Variants in PDE1C observed in about 807,000 individuals in gnomAD.
The protein encoded by PDE1C is dual specificity calcium/calmodulin-dependent 3',5'-cyclic nucleotide phosphodiesterase 1C.
A neutral mutation model predicts 93.1 loss-of-function variants in PDE1C; 62 were observed. The observed-to-expected ratio is 0.67, with a 90% CI of 0.54 to 0.82. PDE1C has a LOEUF of 0.82. Among genes scored for constraint, PDE1C ranks in the 40% least tolerant of loss-of-function variants. The pLI, the probability that PDE1C is intolerant of heterozygous loss-of-function variation, is 0.00. For synonymous variants in PDE1C, 325 were observed against 310.1 expected (o/e 1.05, Z -0.50); for missense variants, 742 against 884.6 (o/e 0.84, Z 2.04).
intron 7 of PDE1C, among the ~76,000 whole-genome samples, chr7:31,864,236 G>A (rs1230674485): frequency 6.6e-6 from 1 of 152,168 alleles, no homozygotes; most frequent in Admixed American, 6.6e-5. Context: ...CACGCCCATA[G>A]TCCCAGCTAC....
chr7:32,108,616 A>C (rs1433584426), intron 3 of PDE1C, among the ~76,000 whole-genome samples: 2 of 152,312 alleles, frequency 1.3e-5, no homozygotes, highest in East Asian at 3.9e-4. Flanking sequence ...CACTCATTTC[A>C]TACCTGTACC....
intron 15 of PDE1C, among the ~76,000 whole-genome samples, chr7:31,813,680 T>A (rs1787844516): frequency 6.6e-6 from 1 of 152,084 alleles, no homozygotes; most frequent in Non-Finnish European, 1.5e-5. Flanking sequence ...TTCCATAGGT[T>A]TTTGGGGAAA....
At chr7:31,940,017 T>G (rs1004724850) in intron 2 of PDE1C, among the ~76,000 whole-genome samples, 2 of 152,182 alleles carry the variant, frequency 1.3e-5, no homozygotes, top group Non-Finnish European at 2.9e-5. Context: ...AATGTCAGAT[T>G]AATGGCATCC....
At chr7:32,375,611 C>T (rs950151066) in intron 1 of PDE1C, among the ~76,000 whole-genome samples, 5 of 152,200 alleles carry the variant, frequency 3.3e-5, no homozygotes, top group African/African-American at 9.7e-5. Context: ...AAGAATTCTA[C>T]CCAAAATGCC....
At chr7:31,949,254 T>C (rs1357220778) in intron 2 of PDE1C, among the ~76,000 whole-genome samples, 1 of 151,850 alleles carries the variant, frequency 6.6e-6, no homozygotes, top group Non-Finnish European at 1.5e-5. Context: ...AGGTCAGGAG[T>C]TCAAGATCAG....
chr7:31,968,563 C>A (rs537567277), intron 2 of PDE1C, among the ~76,000 whole-genome samples: 1 of 150,562 alleles, frequency 6.6e-6, no homozygotes, highest in South Asian at 2.1e-4. Flanking sequence ...CAATGCCATC[C>A]CCATCAAGCT....
intron 3 of PDE1C, among the ~76,000 whole-genome samples, chr7:32,148,168 C>G (rs917746510): frequency 2.6e-5 from 4 of 152,046 alleles, no homozygotes; most frequent in Non-Finnish European, 5.9e-5. Flanking sequence ...GCTAATCTCA[C>G]TACTATGAAT....
intron 11 of PDE1C, among the ~76,000 whole-genome samples, chr7:31,833,388 T>C (rs1035518271): frequency 6.6e-6 from 1 of 152,176 alleles, no homozygotes; most frequent in Non-Finnish European, 1.5e-5. Context: ...AGATACCTGA[T>C]ATGTGGAAGC....
intron 1 of PDE1C, among the ~76,000 whole-genome samples, chr7:32,342,106 A>G (rs1783768905): frequency 1.3e-5 from 2 of 152,300 alleles, no homozygotes; most frequent in Admixed American, 1.3e-4. Flanking sequence ...ATTGTTTGCT[A>G]TCAATATTAT....
At chr7:31,697,755 T>A in the PDE1C span, among the ~76,000 whole-genome samples, 1 of 152,124 alleles carries the variant, frequency 6.6e-6, no homozygotes, top group African/African-American at 2.4e-5. Flanking sequence ...GAGGGGAAAA[T>A]ATGCTAATGT....
chr7:32,198,202 C>T (rs951604026), intron 2 of PDE1C, among the ~76,000 whole-genome samples: 4 of 152,086 alleles, frequency 2.6e-5, no homozygotes, highest in African/African-American at 4.8e-5. Context: ...TTATTTTGCC[C>T]TCACTCTTAA....
At chr7:31,735,032 C>T in the PDE1C span, among the ~76,000 whole-genome samples, 24 of 152,278 alleles carry the variant, frequency 1.6e-4, no homozygotes, top group South Asian at 2.7e-3. Context: ...CAGAGCCTCC[C>T]GCCCCACCCA....
intron 2 of PDE1C, among the ~76,000 whole-genome samples, chr7:32,189,922 CT>C (rs1292080927): frequency 6.6e-6 from 1 of 152,188 alleles, no homozygotes; most frequent in Non-Finnish European, 1.5e-5. Flanking sequence ...TCAAGGTTAA[CT>C]TTTGTATCTA....
chr7:31,988,720 G>A (rs551297567), intron 2 of PDE1C, among the ~76,000 whole-genome samples: 1 of 152,260 alleles, frequency 6.6e-6, no homozygotes, highest in East Asian at 1.9e-4. Context: ...ATACAGGCTT[G>A]GCACAGTGGC....
At chr7:31,706,838 G>A in the PDE1C span, among the ~76,000 whole-genome samples, 2 of 152,196 alleles carry the variant, frequency 1.3e-5, no homozygotes, top group Non-Finnish European at 2.9e-5. Flanking sequence ...ATTTAGGTGT[G>A]AATGTGTTTT....
chr7:31,910,093 A>G (rs1032491107), intron 2 of PDE1C, among the ~76,000 whole-genome samples: 2 of 152,176 alleles, frequency 1.3e-5, no homozygotes, highest in African/African-American at 4.8e-5. Context: ...ACTATGCAAT[A>G]TATATTTTTC....
chr7:32,029,089 T>C (rs982535774), intron 2 of PDE1C, among the ~76,000 whole-genome samples: 3 of 152,074 alleles, frequency 2.0e-5, no homozygotes, highest in Non-Finnish European at 2.9e-5. Flanking sequence ...GGGACCTAAA[T>C]AGATATTTCT....
intron 1 of PDE1C, among the ~76,000 whole-genome samples, chr7:32,360,959 C>T (rs989028082): frequency 2.0e-5 from 3 of 152,020 alleles, no homozygotes; most frequent in Admixed American, 6.6e-5. Context: ...TTTATGGGTA[C>T]GAATTCATTT....
At chr7:32,205,862 G>A (rs920928122) in intron 2 of PDE1C, among the ~76,000 whole-genome samples, 6 of 152,070 alleles carry the variant, frequency 3.9e-5, no homozygotes, top group African/African-American at 1.2e-4. Flanking sequence ...CATTAAGATC[G>A]TGAACCCATC....
Sources: allele counts gnomAD v4.1 joint callset (sites outside exome capture counted in the v4.1 genomes callset), GRCh38; gene constraint gnomAD v4.1.1; transcripts MANE v1.5; gene names NCBI Gene and HGNC (gene_info 2026-07-23, HGNC 2026-07-21).